Variants in SERINC5 observed in about 807,000 individuals in gnomAD.
The protein encoded by SERINC5 is chromosome 5 open reading frame 12.
SERINC5 carries 41 observed loss-of-function variants against 63.1 expected under a neutral mutation model. The ratio of observed to expected loss-of-function variants is 0.65; its 90% CI spans 0.51 to 0.84. SERINC5 has a LOEUF of 0.84. Ranked by LOEUF, SERINC5 falls within the 40% of genes least tolerant of loss-of-function variation. SERINC5 has a pLI of 0.00. For missense variants in SERINC5, 523 were observed against 573.0 expected, an observed-to-expected ratio of 0.91 and a Z score of 0.89; for synonymous variants, 222 against 215.2, an observed-to-expected ratio of 1.03 and a Z score of -0.28.
At chr5:80,130,282 A>G (rs1421555946) in intron 11 of SERINC5, among the ~76,000 whole-genome samples, 1 of 152,148 alleles carries the variant, frequency 6.6e-6, no homozygotes, top group African/African-American at 2.4e-5. Flanking sequence ...CGGGAGGCTG[A>G]GGCAGGAGAA....
In SERINC5 at chr5:80,141,033, CA is replaced by C. The variant is rs1381641549; in HGVS notation, c.*2629del. The C allele has an allele frequency of 4.7e-5, 46 of 985,244 alleles. No individual in the cohort carries two copies. Among genetic ancestry groups the C allele is most frequent in the Non-Finnish European group, 5.5e-5 (46 of 829,902 alleles). 61.0% of individuals were successfully genotyped at this position (985,244 alleles called of 1,614,324 possible). A position where few individuals can be genotyped will look rare whatever the true frequency, so the allele number is the denominator to read the frequency against. On this transcript the variant is annotated 3_prime_UTR_variant, in exon 12 of 12. Coordinates refer to ENST00000507668, the MANE Select transcript of SERINC5 (RefSeq NM_001174072.3). The stretch of plus-strand genomic sequence containing the variant: ...TCCAGTTTCTCAAATCACAATTGCA[CA>C]AAACTGTAGATTCTTTAAATCCAGG...
At chr5:80,236,220 C>T (rs918587653) in intron 1 of SERINC5, among the ~76,000 whole-genome samples, 3 of 152,042 alleles carry the variant, frequency 2.0e-5, no homozygotes, top group Admixed American at 2.0e-4. Context: ...AGCCACTGTT[C>T]CAAGCGCAAA....
At chr5:80,251,286 ACATG>A (rs34495963) in intron 1 of SERINC5, among the ~76,000 whole-genome samples, 10,318 of 53,632 alleles carry the variant, frequency 0.19, 436 homozygotes, top group African/African-American at 0.43. Flanking sequence ...TTAAATACAT[ACATG>A]CATACATACA....
intron 1 of SERINC5, among the ~76,000 whole-genome samples, chr5:80,225,120 T>C (rs1001441004): frequency 2.0e-5 from 3 of 152,120 alleles, no homozygotes; most frequent in Non-Finnish European, 4.4e-5. Flanking sequence ...TTTGTATTTT[T>C]AGTAGAGACT....
intron 1 of SERINC5, among the ~76,000 whole-genome samples, chr5:80,232,830 T>C (rs1471904765): frequency 6.6e-6 from 1 of 151,714 alleles, no homozygotes; most frequent in Non-Finnish European, 1.5e-5. Flanking sequence ...TGCTACAACA[T>C]GGATGAACCT....
intron 1 of SERINC5, among the ~76,000 whole-genome samples, chr5:80,243,024 C>G (rs533985421): frequency 5.9e-5 from 9 of 152,330 alleles, no homozygotes; most frequent in Admixed American, 4.6e-4. Flanking sequence ...TCCCTGGCTG[C>G]AGCACCCGAT....
Position 80,177,994 on chromosome 5 carries a change from G to A in SERINC5, c.266C>T (p.Ser89Phe), listed in dbSNP as rs758636559. 3 of 1,612,640 alleles carry A rather than the reference G, an allele frequency of 1.9e-6. No homozygotes were observed. Among genetic ancestry groups the A allele is most frequent in the Non-Finnish European group, 2.5e-6 (3 of 1,179,174 alleles). The change falls in exon 3 of 12, where the codon TCT becomes TTT. Residue 89 changes from serine (S) to phenylalanine (F), a missense_variant. Transcript: ENST00000507668. ...GDTCEKLVGY[S>F]AVYRVCFGMA... ...TCCAAAACAGACTCTATACACGGCAGAATATCCCACCAGCTTCTCACAGGT... is the reference window on the plus strand; with the variant it reads ...TCCAAAACAGACTCTATACACGGCAAAATATCCCACCAGCTTCTCACAGGT...
At chr5:80,242,776 A>G (rs1752004034) in intron 1 of SERINC5, among the ~76,000 whole-genome samples, 1 of 152,092 alleles carries the variant, frequency 6.6e-6, no homozygotes. Flanking sequence ...TAAAAAAAGT[A>G]ACCGGGCGTG....
chr5:80,177,260 T>C (rs6875979), intron 4 of SERINC5, 55 bp downstream of exon 4: 2 of 1,317,330 alleles, frequency 1.5e-6, no homozygotes, highest in East Asian at 2.3e-5. Context: ...TCTGAGCAAT[T>C]TGACAAAATG....
chr5:80,189,521 G>T (rs754158128), intron 2 of SERINC5, among the ~76,000 whole-genome samples: 1 of 152,306 alleles, frequency 6.6e-6, no homozygotes, highest in Admixed American at 6.5e-5. Context: ...AGAATACAGG[G>T]TCTAACAGAA....
At position 80,138,887 on chromosome 5, in the gene SERINC5, AAC is replaced by A. The variant is rs1021702413; in HGVS notation, c.*4774_*4775del. ...TGTATCTAGCAGAAGAGAAAAAAACAACACAGTTTTAATTTTAAATTTTATTA... is the reference window on the plus strand; with the variant it reads ...TGTATCTAGCAGAAGAGAAAAAAACAACAGTTTTAATTTTAAATTTTATTA... On this transcript the variant is annotated 3_prime_UTR_variant, in exon 12 of 12. Transcript: ENST00000507668. The A allele has an allele frequency of 3.1e-5, 30 of 973,646 alleles. No homozygotes were observed. The highest frequency in any genetic ancestry group is 2.9e-4 in the South Asian group (6 of 21,036). The allele number at this position is 973,646 out of a possible 1,614,324, so 60.3% of individuals were successfully genotyped here.
chr5:80,221,893 T>C (rs992867133), intron 1 of SERINC5, among the ~76,000 whole-genome samples: 1 of 151,804 alleles, frequency 6.6e-6, no homozygotes, highest in African/African-American at 2.4e-5. Context: ...ACGCCTATAA[T>C]CCCAGCACTT....
At chr5:80,203,159 G>T in intron 1 of SERINC5, 106 bp from the exon 2 acceptor site, 1 of 1,136,968 alleles carries the variant, frequency 8.8e-7, no homozygotes, top group African/African-American at 1.6e-5. Context: ...TACTCGGGGG[G>T]CTGGAGGATC....
At chr5:80,120,212 C>T (rs1173865830) in intron 11 of SERINC5, among the ~76,000 whole-genome samples, 2 of 152,182 alleles carry the variant, frequency 1.3e-5, no homozygotes, top group Admixed American at 1.3e-4. Flanking sequence ...GACTATATTT[C>T]CCAGCACCCT....
intron 1 of SERINC5, among the ~76,000 whole-genome samples, chr5:80,254,096 G>A (rs542020492): frequency 7.2e-5 from 11 of 152,178 alleles, no homozygotes; most frequent in Non-Finnish European, 1.3e-4. Flanking sequence ...CGGCAATTTT[G>A]TGTTTTTAGT....
chr5:80,169,293 AG>A, intron 6 of SERINC5, 41 bp downstream of exon 6: 1 of 1,545,630 alleles, frequency 6.5e-7, no homozygotes, highest in Non-Finnish European at 8.9e-7. Context: ...AAAGACACTT[AG>A]GAAAATATAA....
At chr5:80,160,129 G>A (rs1746789462) in intron 7 of SERINC5, among the ~76,000 whole-genome samples, 1 of 152,140 alleles carries the variant, frequency 6.6e-6, no homozygotes, top group South Asian at 2.1e-4. Flanking sequence ...CCTTCGACCT[G>A]TGGGATCTGA....
chr5:80,232,176 G>A lies in SERINC5; in HGVS notation c.27+23720C>T, dbSNP rs576488955. ...TCCCAGCATTTTGGGAGGCCAAGGC[G>A]GGCAGATCACGAGGTCAGGAGATCA... On this transcript the variant is annotated intron_variant, in intron 1 of 11. Coordinates refer to ENST00000507668, the MANE Select transcript of SERINC5 (RefSeq NM_001174072.3). 1.5e-3 allele frequency among the ~76,000 whole-genome samples: 228 copies of A among 151,334 alleles called. 1 individual carries two copies. The highest frequency in any genetic ancestry group is 3.0e-3 in the Non-Finnish European group (202 of 67,900).
downstream of SERINC5, among the ~76,000 whole-genome samples, chr5:80,137,139 CAAAAA>C (rs869035894): frequency 1.5e-5 from 1 of 67,742 alleles, no homozygotes; most frequent in Non-Finnish European, 2.9e-5. Flanking sequence ...GACCCTGTCT[CAAAAA>C]AAAAAAAAAA....
Sources: gnomAD v4.1 joint callset for allele counts (sites outside exome capture counted in the v4.1 genomes callset) on GRCh38, gnomAD v4.1.1 for gene constraint, MANE v1.5 for transcripts, NCBI Gene and HGNC (gene_info 2026-07-23, HGNC 2026-07-21) for gene names.